The following P2RY6 variants were observed in gnomAD, a reference collection of about 807,000 sequenced individuals.
The protein encoded by P2RY6 is P2Y purinoceptor 6.
P2RY6 carries 19 observed loss-of-function variants against 16.3 expected under a neutral mutation model. That is an observed-to-expected ratio of 1.16 (90% CI 0.81 to 1.71). The LOEUF (loss-of-function observed/expected upper bound fraction) is 1.71, where lower values mean the gene tolerates loss of function less well. Among genes scored for constraint, P2RY6 ranks in the 40% most tolerant of loss-of-function variants. The pLI is 0.00. For synonymous variants in P2RY6, 184 were observed against 201.5 expected (o/e 0.91, Z 0.74); for missense variants, 389 against 455.5 (o/e 0.85, Z 1.33).
chr11:73,266,871 T>A (rs1428303692), intron 1 of P2RY6, among the ~76,000 whole-genome samples: 1 of 151,976 alleles, frequency 6.6e-6, no homozygotes, highest in African/African-American at 2.4e-5. Context: ...CTCTGGAAGG[T>A]CTGGACAGAG....
At chr11:73,283,998 C>T (rs920354439) in intron 1 of P2RY6, among the ~76,000 whole-genome samples, 4 of 151,930 alleles carry the variant, frequency 2.6e-5, no homozygotes, top group African/African-American at 4.8e-5. Flanking sequence ...TGCAGACACA[C>T]GGGTTTATTT....
At position 73,297,732 on chromosome 11, in the gene P2RY6, T is replaced by C; in HGVS notation, c.*227T>C. The stretch of plus-strand genomic sequence containing the variant: ...AGACCTGGGCCTGGCTCTTGAGAGG[T>C]CCCAGTCAGCCATGGAGAGCTGGGG... On this transcript the variant is annotated 3_prime_UTR_variant, in exon 3 of 3. Coordinates refer to ENST00000540124, the MANE Select transcript of P2RY6 (RefSeq NM_001277204.2). 1 of 577,488 alleles carries C rather than the reference T, an allele frequency of 1.7e-6. No individual in the cohort carries two copies. The highest frequency in any genetic ancestry group is 2.9e-5 in the East Asian group (1 of 34,868). 35.8% of individuals were successfully genotyped at this position (577,488 alleles called of 1,614,324 possible).
intron 1 of P2RY6, among the ~76,000 whole-genome samples, 192 bp downstream of exon 1, chr11:73,272,658 G>T (rs927926626): frequency 3.9e-5 from 6 of 152,230 alleles, no homozygotes; most frequent in Non-Finnish European, 7.3e-5. Context: ...CAGCATGGAG[G>T]GACGAGGCAC....
chr11:73,285,125 C>CAGTG (rs887694391), intron 1 of P2RY6, among the ~76,000 whole-genome samples: 3 of 152,222 alleles, frequency 2.0e-5, no homozygotes, highest in Admixed American at 2.0e-4. Context: ...GGCTGGAATG[C>CAGTG]AGTGGTGTGA....
chr11:73,268,589 A>C (rs114810062), upstream of P2RY6, among the ~76,000 whole-genome samples: 2,586 of 152,206 alleles, frequency 0.017, 53 homozygotes, highest in African/African-American at 0.059. Context: ...GCACCACTGC[A>C]CTCCAGTCTG....
chr11:73,296,389 C>T (rs890224046), intron 2 of P2RY6, 96 bp from the exon 3 acceptor site: 2 of 1,100,884 alleles, frequency 1.8e-6, no homozygotes, highest in African/African-American at 1.6e-5. Flanking sequence ...TTAGTGCCCT[C>T]ACTGTTCAGA....
In P2RY6 at chr11:73,298,228, G is replaced by A. The variant is rs1351705018; in HGVS notation, c.*723G>A. The A allele has an allele frequency of 2.4e-5, 4 of 167,224 alleles. No individual in the cohort carries two copies. The highest frequency in any genetic ancestry group is 1.5e-5 in the Non-Finnish European group (1 of 68,228). 10.4% of individuals were successfully genotyped at this position (167,224 alleles called of 1,614,324 possible). On this transcript the variant is annotated 3_prime_UTR_variant, in exon 3 of 3. Transcript: ENST00000540124. The stretch of plus-strand genomic sequence containing the variant: ...CTGAGTGGGAACTTGGCAAGCAGAA[G>A]TGGGGAGCACTTTAATGCAACCCAG...
In P2RY6 at chr11:73,297,515, G is replaced by T; in HGVS notation, c.*10G>T. 1 of 1,594,936 alleles carries T rather than the reference G, an allele frequency of 6.3e-7. No individual in the cohort carries two copies. The highest frequency in any genetic ancestry group is 8.6e-7 in the Non-Finnish European group (1 of 1,166,154). Reference sequence around the variant, plus strand: ...GAGGCAGGGTCGCTGAGTCCTCCAGGTCCTGGGCAGCCTTCATATTTGCCA... The same window carrying T: ...GAGGCAGGGTCGCTGAGTCCTCCAGTTCCTGGGCAGCCTTCATATTTGCCA... On this transcript the variant is annotated 3_prime_UTR_variant, in exon 3 of 3. Coordinates refer to ENST00000540124, the MANE Select transcript of P2RY6 (RefSeq NM_001277204.2).
In P2RY6 at chr11:73,298,357, A is replaced by C. The variant is rs1445358952; in HGVS notation, c.*852A>C. On this transcript the variant is annotated 3_prime_UTR_variant, in exon 3 of 3. Transcript: ENST00000540124. ...AGGACACATGGCCTTGCGTGTGTGA[A>C]AGCTGAGAAAATGGGAGCTGTGCTT... 1 of 167,194 alleles carries C rather than the reference A, an allele frequency of 6.0e-6. No individual in the cohort carries two copies. The highest frequency in any genetic ancestry group is 1.5e-5 in the Non-Finnish European group (1 of 68,188). 10.4% of individuals were successfully genotyped at this position (167,194 alleles called of 1,614,324 possible). A position where few individuals can be genotyped will look rare whatever the true frequency, so the allele number is the denominator to read the frequency against.
At chr11:73,273,829 T>C (rs964158824) in intron 1 of P2RY6, among the ~76,000 whole-genome samples, 1 of 152,158 alleles carries the variant, frequency 6.6e-6, no homozygotes, top group African/African-American at 2.4e-5. Flanking sequence ...ACTGACGCTT[T>C]TTATTTTGGG....
At chr11:73,272,857 G>A (rs950724982) in intron 1 of P2RY6, among the ~76,000 whole-genome samples, 9 of 152,172 alleles carry the variant, frequency 5.9e-5, no homozygotes, top group Non-Finnish European at 7.3e-5. Context: ...GGGGGCAACC[G>A]TGGTCTCTCC....
upstream of P2RY6, among the ~76,000 whole-genome samples, chr11:73,270,807 TTGGGGCC>T (rs1211933012): frequency 6.6e-6 from 1 of 152,082 alleles, no homozygotes; most frequent in African/African-American, 2.4e-5. Flanking sequence ...GAGTGGGGGC[TTGGGGCC>T]TGGGGGAGGG....
At chr11:73,287,177 G>A (rs904791555) in intron 1 of P2RY6, among the ~76,000 whole-genome samples, 1 of 152,164 alleles carries the variant, frequency 6.6e-6, no homozygotes, top group Non-Finnish European at 1.5e-5. Flanking sequence ...CCTCCCTGGT[G>A]GCAGTATCTC....
chr11:73,286,311 G>C (rs1262395273), intron 1 of P2RY6, among the ~76,000 whole-genome samples: 1 of 152,170 alleles, frequency 6.6e-6, no homozygotes, highest in African/African-American at 2.4e-5. Flanking sequence ...TTCACGGGAG[G>C]GGAGGAGTTC....
intron 1 of P2RY6, among the ~76,000 whole-genome samples, chr11:73,289,678 G>T (rs996084475): frequency 6.6e-6 from 1 of 152,206 alleles, no homozygotes; most frequent in African/African-American, 2.4e-5. Context: ...CTCAATGCAG[G>T]GAAGACCTAA....
chr11:73,290,364 AAGG>A (rs1433958413), intron 1 of P2RY6, among the ~76,000 whole-genome samples: 1 of 103,168 alleles, frequency 9.7e-6, no homozygotes, highest in Non-Finnish European at 2.1e-5. Flanking sequence ...AGAAAGAAAG[AAGG>A]AAAGAAAGAG....
chr11:73,281,361 G>A (rs1176810504), intron 1 of P2RY6, among the ~76,000 whole-genome samples: 2 of 152,218 alleles, frequency 1.3e-5, no homozygotes, highest in Non-Finnish European at 2.9e-5. Flanking sequence ...CCCTGGGAAA[G>A]CCAGTGGGGC....
At chr11:73,295,294 C>T (rs1407798447) in intron 1 of P2RY6, among the ~76,000 whole-genome samples, 1 of 152,214 alleles carries the variant, frequency 6.6e-6, no homozygotes, top group African/African-American at 2.4e-5. Flanking sequence ...TTGAGCACTA[C>T]TGAATGTCAT....
upstream of P2RY6, among the ~76,000 whole-genome samples, chr11:73,267,753 G>A (rs1863152684): frequency 6.6e-6 from 1 of 152,158 alleles, no homozygotes; most frequent in African/African-American, 2.4e-5. Flanking sequence ...GAGCAAGCTG[G>A]GGACAATCCT....
Sources: allele counts gnomAD v4.1 joint callset (sites outside exome capture counted in the v4.1 genomes callset), GRCh38; gene constraint gnomAD v4.1.1; transcripts MANE v1.5; gene names NCBI Gene and HGNC (gene_info 2026-07-23, HGNC 2026-07-21).